The following DAB2 variants were observed in gnomAD, a reference collection of about 807,000 sequenced individuals.
DAB2 encodes the protein disabled homolog 2.
In DAB2, 28 loss-of-function variants were observed where a neutral mutation model predicts 71.6. That is an observed-to-expected ratio of 0.39 (90% CI 0.29 to 0.54). The LOEUF (loss-of-function observed/expected upper bound fraction) is 0.54. Among genes scored for constraint, DAB2 ranks in the 20% least tolerant of loss-of-function variants. The pLI is 0.68. For missense variants in DAB2, 867 were observed against 928.8 expected (o/e 0.93, Z 0.86); for synonymous variants, 345 against 339.7 (o/e 1.02, Z -0.17).
intron 1 of DAB2, among the ~76,000 whole-genome samples, chr5:39,414,717 G>C (rs529218511): frequency 6.6e-5 from 10 of 150,432 alleles, no homozygotes; most frequent in South Asian, 4.2e-4. Flanking sequence ...TAAAAAAAGG[G>C]GGGGGGGTGG....
intron 11 of DAB2, among the ~76,000 whole-genome samples, 157 bp from the exon 12 acceptor site, chr5:39,377,439 A>T (rs1754861111): frequency 6.6e-6 from 1 of 152,200 alleles, no homozygotes; most frequent in Non-Finnish European, 1.5e-5. Flanking sequence ...TAATCACTGT[A>T]AAAGTTAGCC....
intron 1 of DAB2, among the ~76,000 whole-genome samples, chr5:39,414,007 T>C (rs2112104699): frequency 6.6e-6 from 1 of 152,292 alleles, no homozygotes; most frequent in Admixed American, 6.5e-5. Flanking sequence ...TAGGCATCAT[T>C]AAATGATAGC....
chr5:39,410,963 G>A (rs1755713656), intron 1 of DAB2, among the ~76,000 whole-genome samples: 1 of 152,092 alleles, frequency 6.6e-6, no homozygotes, highest in Admixed American at 6.6e-5. Context: ...TTTGACTTTA[G>A]GCAAAAGGTT....
Position 39,381,475 on chromosome 5 carries a change from C to G in DAB2, c.1483G>C (p.Val495Leu), listed in dbSNP as rs147190570. 8.7e-6 allele frequency: 14 copies of G among 1,613,894 alleles called. No homozygotes were observed. The East Asian group carries it at 3.1e-4, about 36-fold the overall frequency. Residue 495 changes from valine (V) to leucine (L), a missense_variant, in exon 11 of 15, where the codon GTG (valine) becomes CTG (leucine). Around this residue, in one of 2 missense-constraint regions of DAB2, gnomAD observed 740 missense variants for 734.3 expected, o/e 1.01. Transcript: ENST00000320816. ...CTACCTAGACCCACCAGGGGCCCCA[C>G]TGGGGCAGGAGCACTTGTTTTGAAG... is the stretch of plus-strand genomic sequence containing the variant. Reference protein sequence around the residue: ...DLFKTSAPAPVGPLVGLGGVT... With the variant: ...DLFKTSAPAPLGPLVGLGGVT...
Position 39,383,233 on chromosome 5 carries a change from T to G in DAB2, c.726A>C (p.Glu242Asp), listed in dbSNP as rs1359930528. The change falls in exon 10 of 15, where the codon GAA becomes GAC. Residue 242 changes from glutamate (E) to aspartate (D), a missense_variant. By Grantham distance (45) the Glu-to-Asp change is conservative. Coordinates refer to ENST00000320816, the MANE Select transcript of DAB2 (RefSeq NM_001343.4). Reference sequence around the variant, plus strand: ...TTAAAGAATTCTGATTGGTGTCGATTTCAGAGTTTAGATCCACTAACAGGA... The same window carrying G: ...TTAAAGAATTCTGATTGGTGTCGATGTCAGAGTTTAGATCCACTAACAGGA... ...KDILLVDLNS[E>D]IDTNQNSLRE... The G allele has an allele frequency of 3.1e-6, 5 of 1,613,684 alleles. No homozygotes were observed. The highest frequency in any genetic ancestry group is 3.3e-5 in the Admixed American group (2 of 60,006).
intron 1 of DAB2, among the ~76,000 whole-genome samples, chr5:39,403,941 G>A (rs991982305): frequency 2.0e-5 from 3 of 151,774 alleles, no homozygotes; most frequent in South Asian, 4.1e-4. Flanking sequence ...ATCCATGTCC[G>A]TACAAAGGAC....
At position 39,379,728 on chromosome 5, in the gene DAB2, C is replaced by G. The variant is rs114816364; in HGVS notation, c.1504+1726G>C. The stretch of plus-strand genomic sequence containing the variant: ...TTCTACAATACCCTCTCCCCACCCC[C>G]CCAGTTCTCCAGGGGAGACAGTCCC... On this transcript the variant is annotated intron_variant, in intron 11 of 14. Coordinates refer to ENST00000320816, the MANE Select transcript of DAB2 (RefSeq NM_001343.4). 5.2e-3 allele frequency among the ~76,000 whole-genome samples: 785 copies of G among 152,104 alleles called. 5 individuals carry two copies. Among genetic ancestry groups the G allele is most frequent in the African/African-American group, 0.018 (735 of 41,516 alleles).
chr5:39,398,789 C>T (rs542121319), intron 1 of DAB2, among the ~76,000 whole-genome samples: 24 of 152,300 alleles, frequency 1.6e-4, no homozygotes, highest in African/African-American at 5.3e-4. Flanking sequence ...TTAAAGAGCA[C>T]GTCCCCATCA....
chr5:39,424,631 T>G (rs1403903223), intron 1 of DAB2, among the ~76,000 whole-genome samples, 173 bp downstream of exon 1: 3 of 148,098 alleles, frequency 2.0e-5, no homozygotes, highest in Admixed American at 6.7e-5. Context: ...GCCACAAAAC[T>G]GCTGGTTTCC....
intron 1 of DAB2, among the ~76,000 whole-genome samples, chr5:39,411,029 A>G (rs3909468): frequency 0.95 from 144,243 of 152,150 alleles, 68,747 homozygotes; most frequent in African/African-American, 0.99. Context: ...CAGATGGGAT[A>G]AGGGTTCTTC....
At chr5:39,398,459 C>T (rs930622197) in intron 1 of DAB2, among the ~76,000 whole-genome samples, 7 of 151,948 alleles carry the variant, frequency 4.6e-5, no homozygotes, top group African/African-American at 1.7e-4. Flanking sequence ...TATCCTTTCG[C>T]CATTTGGGTA....
intron 1 of DAB2, among the ~76,000 whole-genome samples, chr5:39,398,486 A>G (rs1452315470): frequency 6.6e-6 from 1 of 152,200 alleles, no homozygotes; most frequent in Non-Finnish European, 1.5e-5. Context: ...ATTCCAAGGG[A>G]CAAGGAAGAA....
intron 1 of DAB2, among the ~76,000 whole-genome samples, chr5:39,403,094 T>C (rs1755538572): frequency 6.6e-6 from 1 of 152,216 alleles, no homozygotes; most frequent in Non-Finnish European, 1.5e-5. Context: ...TACTGACCTA[T>C]GTGAGGTGCG....
In DAB2 at chr5:39,372,868, T is replaced by A. The variant is rs1018059344; in HGVS notation, c.*563A>T. 6.6e-6 allele frequency: 1 copy of A among 152,136 alleles called. No individual in the cohort carries two copies. Among genetic ancestry groups the A allele is most frequent in the Non-Finnish European group, 1.5e-5 (1 of 68,026 alleles). 9.4% of individuals were successfully genotyped at this position (152,136 alleles called of 1,614,324 possible). A position where few individuals can be genotyped will look rare whatever the true frequency, so the allele number is the denominator to read the frequency against. The stretch of plus-strand genomic sequence containing the variant: ...CTATCTCTTTAAAAAGGTCCTTAAG[T>A]GGTTAGATTCCAAAGTGTCTAAGGA... On this transcript the variant is annotated 3_prime_UTR_variant, in exon 15 of 15. Coordinates refer to ENST00000320816, the MANE Select transcript of DAB2 (RefSeq NM_001343.4).
At chr5:39,415,254 C>A (rs1413227378) in intron 1 of DAB2, among the ~76,000 whole-genome samples, 1 of 152,086 alleles carries the variant, frequency 6.6e-6, no homozygotes, top group Non-Finnish European at 1.5e-5. Flanking sequence ...AACCACGTTA[C>A]AATCTGAAGG....
At chr5:39,418,428 C>T (rs1013239480) in intron 1 of DAB2, 7 of 152,106 alleles carry the variant, frequency 4.6e-5, no homozygotes, top group African/African-American at 1.7e-4. Flanking sequence ...TAATAGGACA[C>T]TTAAAATATA....
chr5:39,413,675 T>A (rs1327839201), intron 1 of DAB2, among the ~76,000 whole-genome samples: 2 of 152,116 alleles, frequency 1.3e-5, no homozygotes, highest in African/African-American at 4.8e-5. Flanking sequence ...GCCAAGAAAA[T>A]GCTCATTAAG....
At chr5:39,424,299 A>G (rs1344794114) in intron 1 of DAB2, among the ~76,000 whole-genome samples, 9 of 152,134 alleles carry the variant, frequency 5.9e-5, no homozygotes, top group Admixed American at 3.3e-4. Flanking sequence ...GGTGTAAGAC[A>G]AAAGTTCACA....
chr5:39,397,263 G>A (rs1485932552), intron 1 of DAB2, among the ~76,000 whole-genome samples: 1 of 152,102 alleles, frequency 6.6e-6, no homozygotes, highest in Non-Finnish European at 1.5e-5. Flanking sequence ...CTCTCTCCAG[G>A]CCAACAGGTC....
Sources: allele counts gnomAD v4.1 joint callset (sites outside exome capture counted in the v4.1 genomes callset), GRCh38; gene constraint gnomAD v4.1.1; regional missense constraint gnomAD v4.1.1; transcripts MANE v1.5; gene names NCBI Gene and HGNC (gene_info 2026-07-23, HGNC 2026-07-21).